The following LIPG variants were observed in gnomAD, a reference collection of about 807,000 sequenced individuals.
LIPG encodes lipase G, endothelial type.
A neutral mutation model predicts 51.8 loss-of-function variants in LIPG; 34 were observed. That is an observed-to-expected ratio of 0.66 (90% CI 0.50 to 0.87). LIPG has a LOEUF of 0.87. Among genes scored for constraint, LIPG ranks in the 40% least tolerant of loss-of-function variants. The probability of loss-of-function intolerance (pLI) is 0.00; values close to 1 mark genes in which losing one functional copy is unlikely to be tolerated. For synonymous variants in LIPG, 246 were observed against 246.1 expected (o/e 1.00, Z 0.00); for missense variants, 580 against 652.7 (o/e 0.89, Z 1.21).
At chr18:49,577,612 C>T (rs1453871668) in intron 5 of LIPG, among the ~76,000 whole-genome samples, 1 of 147,136 alleles carries the variant, frequency 6.8e-6, no homozygotes, top group Admixed American at 6.6e-5. Context: ...AGGCACCCCT[C>T]ACCTCCCGGA....
rs934427531 is a variant in LIPG at position 49,577,026 on chromosome 18, A to T, written c.793+1436A>T. Among the ~76,000 whole-genome samples, 37 of 148,798 alleles carry T rather than the reference A, an allele frequency of 2.5e-4. No homozygotes were observed. In the Middle Eastern group the frequency reaches 0.01, roughly 42 times the overall value. ...ATTTTATTTTATTTTTTATTTATTTATTTTTTTTTTATTGATAATTCTTGG... is the reference window on the plus strand; with the variant it reads ...ATTTTATTTTATTTTTTATTTATTTTTTTTTTTTTTATTGATAATTCTTGG... On this transcript the variant is annotated intron_variant, in intron 5 of 9. Coordinates refer to ENST00000261292, the MANE Select transcript of LIPG (RefSeq NM_006033.4).
chr18:49,575,636 TCTC>T, intron 5 of LIPG, 46 bp downstream of exon 5: 1 of 1,503,732 alleles, frequency 6.7e-7, no homozygotes, highest in Non-Finnish European at 9.2e-7. Context: ...GTTTATTCCA[TCTC>T]CTTCTAAATC....
chr18:49,563,486 G>C (rs999794898), intron 1 of LIPG, among the ~76,000 whole-genome samples: 1 of 152,008 alleles, frequency 6.6e-6, no homozygotes, highest in African/African-American at 2.4e-5. Context: ...GCAGGGGAGA[G>C]AGCAGTGGAC....
upstream of LIPG, chr18:49,561,864 CG>C: frequency 7.9e-7 from 1 of 1,267,114 alleles, no homozygotes; most frequent in Non-Finnish European, 9.9e-7. Flanking sequence ...CGGGAGGAAG[CG>C]GGGCCGAGCG....
At chr18:49,578,215 C>T (rs1348561296) in intron 5 of LIPG, among the ~76,000 whole-genome samples, 5 of 148,192 alleles carry the variant, frequency 3.4e-5, no homozygotes. Context: ...AGAGGCTCCT[C>T]ACTTCTCAGA....
At chr18:49,586,714 T>C (rs944498964) in intron 8 of LIPG, 32 bp from the exon 9 acceptor site, 1 of 1,488,936 alleles carries the variant, frequency 6.7e-7, no homozygotes, top group African/African-American at 1.4e-5. Flanking sequence ...CCTAAAGTTC[T>C]GCCTACATCA....
At chr18:49,575,780 C>T (rs532985812) in intron 5 of LIPG, among the ~76,000 whole-genome samples, 190 bp downstream of exon 5, 5 of 152,070 alleles carry the variant, frequency 3.3e-5, no homozygotes, top group African/African-American at 1.2e-4. Context: ...TCCTGCTTTG[C>T]TTTCTCACGC....
At position 49,574,259 on chromosome 18, in the gene LIPG, C is replaced by T. The variant is rs533433812; in HGVS notation, c.572-1110C>T. Among the ~76,000 whole-genome samples the T allele has an allele frequency of 4.6e-5, 7 of 152,222 alleles. No homozygotes were observed. In the South Asian group the frequency reaches 8.3e-4, roughly 18 times the overall value. ...AGGCACTCAGTCTCTTAAGATCTCA[C>T]GTGGACTTTGAATTAAGGTATAAAT... On this transcript the variant is annotated intron_variant, in intron 4 of 9. Transcript: ENST00000261292.
At chr18:49,579,703 G>T (rs2084792559) in intron 5 of LIPG, among the ~76,000 whole-genome samples, 2 of 151,450 alleles carry the variant, frequency 1.3e-5, no homozygotes, top group Admixed American at 1.3e-4. Flanking sequence ...TCCATGCAAG[G>T]GGATTTTACT....
chr18:49,590,173 T>G (rs1022835634), intron 9 of LIPG: 5 of 371,034 alleles, frequency 1.3e-5, no homozygotes, highest in Non-Finnish European at 1.5e-5. Flanking sequence ...GTGTCCATGA[T>G]TGTGTGTGTG....
chr18:49,569,948 G>A lies in LIPG; in HGVS notation c.571+400G>A, dbSNP rs9948512. On this transcript the variant is annotated intron_variant, in intron 4 of 9. Coordinates refer to ENST00000261292, the MANE Select transcript of LIPG (RefSeq NM_006033.4). ...CGGAGAGGTGAGACAACTTGCCCAG[G>A]GGCAAACAGCTAATAACTCAAGAGC... Among the ~76,000 whole-genome samples, 432 of 152,326 alleles carry A rather than the reference G, an allele frequency of 2.8e-3. 2 individuals carry two copies. The highest frequency in any genetic ancestry group is 0.01 in the African/African-American group (426 of 41,568).
At position 49,595,102 on chromosome 18, in the gene LIPG, G is replaced by A. The variant is rs1222001897; in HGVS notation, c.*4580G>A. On this transcript the variant is annotated 3_prime_UTR_variant, in exon 10 of 10. Transcript: ENST00000261292. The stretch of plus-strand genomic sequence containing the variant: ...AGAACAGTCTTTGTCATCAAATATG[G>A]TATTTCTCAGGTGTCACCTCTGTGT... 6.6e-6 allele frequency: 1 copy of A among 152,164 alleles called. No individual in the cohort carries two copies. Among genetic ancestry groups the A allele is most frequent in the East Asian group, 1.9e-4 (1 of 5,198 alleles). The allele number at this position is 152,164 out of a possible 1,614,324, so 9.4% of individuals were successfully genotyped here.
intron 5 of LIPG, among the ~76,000 whole-genome samples, chr18:49,579,206 G>C (rs1174285920): frequency 1.7e-4 from 7 of 41,480 alleles, no homozygotes; most frequent in Middle Eastern, 7.9e-3. Context: ...GAGAGGGAGA[G>C]GGAGAGGGAG....
chr18:49,583,346 T>A (rs1316923912), intron 7 of LIPG, among the ~76,000 whole-genome samples: 2 of 152,156 alleles, frequency 1.3e-5, no homozygotes, highest in Admixed American at 1.3e-4. Flanking sequence ...GCTGGGGTGC[T>A]GAGGGCAAAG....
chr18:49,589,374 A>G (rs1029911804), intron 9 of LIPG: 1 of 152,232 alleles, frequency 6.6e-6, no homozygotes, highest in Non-Finnish European at 1.5e-5. Flanking sequence ...AAATGTGTAC[A>G]TTTCAAAGTG....
chr18:49,567,774 G>A (rs1329286978), intron 3 of LIPG, 153 bp downstream of exon 3: 4 of 714,058 alleles, frequency 5.6e-6, no homozygotes, highest in South Asian at 2.0e-5. Context: ...GTATTGTTTG[G>A]AATACTTGAA....
intron 9 of LIPG, among the ~76,000 whole-genome samples, 183 bp downstream of exon 9, chr18:49,587,033 C>T (rs2084887667): frequency 6.6e-6 from 1 of 151,068 alleles, no homozygotes; most frequent in Non-Finnish European, 1.5e-5. Context: ...CTTTGGGAGG[C>T]CAAGGCAGGC....
At chr18:49,561,673 A>C (rs3813082), upstream of LIPG, 9,534 of 1,239,728 alleles carry the variant, frequency 7.7e-3, 513 homozygotes, top group East Asian at 0.15. Context: ...TGTGGCTTTG[A>C]GCCTTGGAGA....
chr18:49,597,974 G>A lies in LIPG; in HGVS notation c.*7452G>A, dbSNP rs1206768035. ...AGTCAAAGCCTCAACTATTTATTGT[G>A]AGGGAGATAATTCATTTTCATTTTC... On this transcript the variant is annotated 3_prime_UTR_variant, in exon 10 of 10. Coordinates refer to ENST00000261292, the MANE Select transcript of LIPG (RefSeq NM_006033.4). 6.6e-6 allele frequency: 1 copy of A among 152,208 alleles called. No homozygotes were observed. The highest frequency in any genetic ancestry group is 1.5e-5 in the Non-Finnish European group (1 of 68,036). The allele number at this position is 152,208 out of a possible 1,614,324, so 9.4% of individuals were successfully genotyped here.
Sources: gnomAD v4.1 joint callset for allele counts (sites outside exome capture counted in the v4.1 genomes callset) on GRCh38, gnomAD v4.1.1 for gene constraint, MANE v1.5 for transcripts, NCBI Gene and HGNC (gene_info 2026-07-23, HGNC 2026-07-21) for gene names.